The following FAM120A variants were observed in gnomAD, a reference collection of about 807,000 sequenced individuals.
FAM120A encodes the protein family with sequence similarity 120 member A, also known as constitutive coactivator of PPAR-gamma-like protein 1.
A neutral mutation model predicts 109.7 loss-of-function variants in FAM120A; 15 were observed. The ratio of observed to expected loss-of-function variants is 0.14; its 90% CI spans 0.09 to 0.21. The LOEUF (loss-of-function observed/expected upper bound fraction) is 0.21, where lower values mean the gene tolerates loss of function less well. FAM120A is among the 10% of genes least tolerant of loss of function. The probability of loss-of-function intolerance (pLI) is 1.00; values close to 1 mark genes in which losing one functional copy is unlikely to be tolerated. For missense variants in FAM120A, 899 were observed against 1,439.3 expected (o/e 0.62, Z 6.07); for synonymous variants, 493 against 572.8 (o/e 0.86, Z 1.99).
At chr9:93,517,431 T>C (rs1320312593) in intron 7 of FAM120A, among the ~76,000 whole-genome samples, 1 of 152,166 alleles carries the variant, frequency 6.6e-6, no homozygotes. Context: ...CAAATTTGCA[T>C]TTTAAATAAG....
At chr9:93,547,861 T>A (rs1249813637) in intron 11 of FAM120A, among the ~76,000 whole-genome samples, 1 of 152,236 alleles carries the variant, frequency 6.6e-6, no homozygotes, top group African/African-American at 2.4e-5. Flanking sequence ...AATCTATGTA[T>A]GTATGTATGT....
At chr9:93,464,838 C>T (rs895373243) in intron 1 of FAM120A, among the ~76,000 whole-genome samples, 1 of 152,198 alleles carries the variant, frequency 6.6e-6, no homozygotes, top group Non-Finnish European at 1.5e-5. Flanking sequence ...GTTTTCAGGG[C>T]TTAATTTTTT....
At chr9:93,529,322 G>A (rs755017491) in intron 8 of FAM120A, 31 bp from the exon 9 acceptor site, 32 of 1,537,308 alleles carry the variant, frequency 2.1e-5, no homozygotes, top group South Asian at 1.6e-4. Context: ...ACATACACTC[G>A]TTTTCCTCCC....
rs1312166332 is a variant in FAM120A at position 93,471,450 on chromosome 9, T to G, written c.721+63T>G. On this transcript the variant is annotated intron_variant, in intron 2 of 17. Transcript: ENST00000277165. ...GACCATATGATAAGCACATTGATCT[T>G]TTAAGTGTTTCTGTGCTTGAATGTT... The G allele has an allele frequency of 5.7e-6, 9 of 1,584,752 alleles. No individual in the cohort carries two copies. The Admixed American group carries it at 1.4e-4, about 24-fold the overall frequency.
intron 1 of FAM120A, among the ~76,000 whole-genome samples, chr9:93,463,919 C>G (rs189848250): frequency 1.8e-4 from 27 of 152,290 alleles, no homozygotes; most frequent in African/African-American, 6.0e-4. Context: ...TGACATTTGT[C>G]AAGCGCTTAT....
At position 93,452,063 on chromosome 9, in the gene FAM120A, G is replaced by T; in HGVS notation, c.148G>T (p.Ala50Ser). ...GACCCCGCTGCGCCTGCTGGTGGAC[G>T]CCGACAACTGCCTGCACCGCCTCTA... ...PQTPLRLLVDADNCLHRLYGG... is the reference protein window; with the variant it reads ...PQTPLRLLVDSDNCLHRLYGG... Residue 50 changes from alanine (A) to serine (S), a missense_variant, in exon 1 of 18, where the codon GCC becomes TCC. Physicochemically the swap from Ala to Ser is moderately conservative, Grantham distance 99. This residue lies in a region of FAM120A where 258 missense variants were observed against 451.4 expected (regional missense o/e 0.57). Transcript: ENST00000277165. This position sits in a 1 kb window ranked among gnomAD's most constrained non-coding sequence, Gnocchi z 7.0. 1 of 1,593,330 alleles carries T rather than the reference G, an allele frequency of 6.3e-7. No homozygotes were observed. The highest frequency in any genetic ancestry group is 8.5e-7 in the Non-Finnish European group (1 of 1,170,722).
At chr9:93,492,982 C>T (rs76141297) in intron 3 of FAM120A, among the ~76,000 whole-genome samples, 4,316 of 152,140 alleles carry the variant, frequency 0.028, 91 homozygotes, top group East Asian at 0.07. Context: ...CTGCACATGC[C>T]CCTGGGAGAC....
chr9:93,502,435 G>A (rs1327633775), intron 5 of FAM120A, among the ~76,000 whole-genome samples: 1 of 152,062 alleles, frequency 6.6e-6, no homozygotes, highest in East Asian at 1.9e-4. Context: ...CAGTTGGCCT[G>A]GCTTTTAGGA....
chr9:93,483,382 GTTTT>G (rs927875788), intron 3 of FAM120A, among the ~76,000 whole-genome samples: 7 of 147,520 alleles, frequency 4.7e-5, no homozygotes, highest in African/African-American at 1.7e-4. Context: ...CTGTTTGTTT[GTTTT>G]TTTTTTAAAC....
chr9:93,550,415 A>G (rs1862056233), intron 11 of FAM120A, among the ~76,000 whole-genome samples, 162 bp from the exon 12 acceptor site: 1 of 152,232 alleles, frequency 6.6e-6, no homozygotes, highest in South Asian at 2.1e-4. Flanking sequence ...TTGTAATGGT[A>G]TCATCAAATG....
At chr9:93,513,440 T>C in intron 5 of FAM120A, among the ~76,000 whole-genome samples, 1 of 152,146 alleles carries the variant, frequency 6.6e-6, no homozygotes. Context: ...CTTGTGGACT[T>C]ATCGGTCAGT....
chr9:93,536,821 G>A (rs1171246817), intron 10 of FAM120A, among the ~76,000 whole-genome samples: 2 of 152,176 alleles, frequency 1.3e-5, no homozygotes, highest in African/African-American at 2.4e-5. Flanking sequence ...TTCTGTGCTG[G>A]CAGTTTATTT....
chr9:93,498,720 A>G lies in FAM120A; in HGVS notation c.934-70A>G. 1.1e-6 allele frequency: 1 copy of G among 892,762 alleles called. No individual in the cohort carries two copies. Among genetic ancestry groups the G allele is most frequent in the East Asian group, 2.4e-5 (1 of 41,632 alleles). The allele number at this position is 892,762 out of a possible 1,614,324, so 55.3% of individuals were successfully genotyped here. ...TAGAATATTATACATGTGCTGAATT[A>G]TAAAAAACATTGTGATACACATGAC... is the stretch of plus-strand genomic sequence containing the variant. On this transcript the variant is annotated intron_variant, in intron 4 of 17. Coordinates refer to ENST00000277165, the MANE Select transcript of FAM120A (RefSeq NM_014612.5). This position sits in a 1 kb window ranked among gnomAD's most constrained non-coding sequence, Gnocchi z 4.4.
At chr9:93,547,874 C>T (rs1861944522) in intron 11 of FAM120A, among the ~76,000 whole-genome samples, 1 of 152,068 alleles carries the variant, frequency 6.6e-6, no homozygotes, top group Non-Finnish European at 1.5e-5. Flanking sequence ...ATGTATGTAC[C>T]TAGTAATTCA....
At chr9:93,502,611 A>G (rs1032566844) in intron 5 of FAM120A, among the ~76,000 whole-genome samples, 3 of 134,484 alleles carry the variant, frequency 2.2e-5, no homozygotes, top group African/African-American at 5.1e-5. Context: ...CACACTTGCA[A>G]TATAGTCTCC....
At chr9:93,476,504 C>G (rs970691081) in intron 3 of FAM120A, among the ~76,000 whole-genome samples, 166 bp downstream of exon 3, 1 of 152,212 alleles carries the variant, frequency 6.6e-6, no homozygotes, top group African/African-American at 2.4e-5. Context: ...AGCAACAATG[C>G]TACCATCCCT....
intron 1 of FAM120A, among the ~76,000 whole-genome samples, chr9:93,462,759 T>G (rs1364754798): frequency 2.0e-5 from 3 of 152,230 alleles, no homozygotes; most frequent in Non-Finnish European, 2.9e-5. Flanking sequence ...TTGTCTACCC[T>G]ATGAGCCTCA....
chr9:93,491,075 C>T (rs765654248), intron 3 of FAM120A, among the ~76,000 whole-genome samples: 1 of 152,162 alleles, frequency 6.6e-6, no homozygotes, highest in Non-Finnish European at 1.5e-5. Flanking sequence ...CTGGGGTTGT[C>T]AAGCTGCTTG....
intron 11 of FAM120A, among the ~76,000 whole-genome samples, chr9:93,547,918 A>G (rs1161111579): frequency 6.6e-6 from 1 of 152,134 alleles, no homozygotes; most frequent in Non-Finnish European, 1.5e-5. Context: ...CAGAGGACCT[A>G]TGATGAGAAG....
Sources: allele counts gnomAD v4.1 joint callset (sites outside exome capture counted in the v4.1 genomes callset), GRCh38; gene constraint gnomAD v4.1.1; regional missense constraint gnomAD v4.1.1; non-coding constraint Gnocchi (gnomAD v3.1); transcripts MANE v1.5; gene names NCBI Gene and HGNC (gene_info 2026-07-23, HGNC 2026-07-21).